The following MED17 variants were observed in gnomAD, a reference collection of about 807,000 sequenced individuals.
MED17 encodes the protein mediator of RNA polymerase II transcription subunit 17.
A neutral mutation model predicts 80.8 loss-of-function variants in MED17; 49 were observed. That is an observed-to-expected ratio of 0.61 (90% CI 0.48 to 0.77). MED17 has a LOEUF of 0.77. Among genes scored for constraint, MED17 ranks in the 30% least tolerant of loss-of-function variants. The probability of loss-of-function intolerance (pLI) is 0.00; values close to 1 mark genes in which losing one functional copy is unlikely to be tolerated. For synonymous variants in MED17, 281 were observed against 280.4 expected (o/e 1.00, Z -0.02); for missense variants, 718 against 787.0 (o/e 0.91, Z 1.05).
chr11:93,784,619 A>C lies in MED17; in HGVS notation c.106A>C (p.Met36Leu), dbSNP rs562459610. The change falls in exon 1 of 12, where the codon ATG (methionine) becomes CTG (leucine). Residue 36 changes from methionine to leucine, a missense_variant. Met to Leu is a conservative substitution (Grantham distance 15). Coordinates refer to ENST00000251871, the MANE Select transcript of MED17 (RefSeq NM_004268.5). ...CGAGACGTACCTGCCCCCGCTGTCC[A>C]TGTCGCAGAATCTGGCGCGTCTGGC... is the stretch of plus-strand genomic sequence containing the variant. ...GTETYLPPLS[M>L]SQNLARLAQR... The C allele has an allele frequency of 5.6e-6, 9 of 1,595,226 alleles. No homozygotes were observed. Among genetic ancestry groups the C allele is most frequent in the African/African-American group, 2.7e-5 (2 of 74,776 alleles).
At chr11:93,805,939 G>T (rs1361531359) in intron 9 of MED17, among the ~76,000 whole-genome samples, 1 of 147,110 alleles carries the variant, frequency 6.8e-6, no homozygotes, top group Non-Finnish European at 1.5e-5. Flanking sequence ...TAAAACCACT[G>T]CTTTCCAGCC....
rs1405458539 is a variant in MED17, at chr11:93,784,585, G to A, written c.72G>A (p.Leu24=). 3 of 1,610,364 alleles carry A rather than the reference G, an allele frequency of 1.9e-6. No homozygotes were observed. The highest frequency in any genetic ancestry group is 4.5e-5 in the East Asian group (2 of 44,760). The change falls in exon 1 of 12, where the codon CTG becomes CTA. Residue 24 remains leucine (L), a synonymous_variant. Transcript: ENST00000251871. ...ACEKQVHEVG[L]DGTETYLPPL... ...AGAAGCAGGTCCATGAGGTGGGCCT[G>A]GATGGCACCGAGACGTACCTGCCCC...
chr11:93,803,268 T>C (rs559559861), intron 9 of MED17, among the ~76,000 whole-genome samples: 212 of 152,368 alleles, frequency 1.4e-3, no homozygotes, highest in Non-Finnish European at 2.5e-3. Context: ...TTCTTTCTTT[T>C]TGATTTTTCC....
chr11:93,793,555 C>T, intron 3 of MED17, 173 bp from the exon 4 acceptor site: 11 of 545,824 alleles, frequency 2.0e-5, no homozygotes, highest in East Asian at 3.1e-5. Flanking sequence ...CCACCTTTAT[C>T]TTTCTTTCCT....
intron 3 of MED17, chr11:93,793,209 C>T (rs555535978): frequency 1.1e-4 from 16 of 152,138 alleles, no homozygotes; most frequent in African/African-American, 3.4e-4. Context: ...ACCTCCATCT[C>T]CCGGGTTCAA....
In MED17 at chr11:93,794,939, G is replaced by A. The variant is rs777239716; in HGVS notation, c.891G>A (p.Ala297=). Residue 297 remains alanine (A), a synonymous_variant, in exon 6 of 12, where the codon GCG becomes GCA. Transcript: ENST00000251871. ...CACATTGGCAGACAAAATTAGAAGCGGCACAGAATGTTCTCTTATGTAAAG... is the reference window on the plus strand; with the variant it reads ...CACATTGGCAGACAAAATTAGAAGCAGCACAGAATGTTCTCTTATGTAAAG... The part of the protein sequence containing the change: ...GSPHWQTKLE[A]AQNVLLCKEI... 6.8e-6 allele frequency: 11 copies of A among 1,614,074 alleles called. No individual in the cohort carries two copies. Among genetic ancestry groups the A allele is most frequent in the South Asian group, 2.2e-5 (2 of 91,082 alleles).
rs773915650 is a variant in MED17 at position 93,796,477 on chromosome 11, G to C, written c.1080G>C (p.Glu360Asp). 6.2e-7 allele frequency: 1 copy of C among 1,613,914 alleles called. No homozygotes were observed. Among genetic ancestry groups the C allele is most frequent in the Non-Finnish European group, 8.5e-7 (1 of 1,179,836 alleles). The change falls in exon 7 of 12, where the codon GAG becomes GAC. Residue 360 changes from glutamate to aspartate, a missense_variant. Physicochemically the swap from Glu to Asp is conservative, Grantham distance 45. Coordinates refer to ENST00000251871, the MANE Select transcript of MED17 (RefSeq NM_004268.5). ...NDKKSQKFAT[E>D]KQCPEDHLYV... ...AGAAATCCCAAAAATTTGCTACTGA[G>C]AAGCAATGTCCGGAGGACCACCTTT...
chr11:93,795,213 A>G lies in MED17; in HGVS notation c.1012+153A>G, dbSNP rs189071200. On this transcript the variant is annotated intron_variant, in intron 6 of 11. Transcript: ENST00000251871. ...GACAGCCAGTAAAGCATGTAACACA[A>G]ACTATACTGTGGAATCTGTTCTGTC... is the stretch of plus-strand genomic sequence containing the variant. 1.6e-3 allele frequency: 1,388 copies of G among 862,016 alleles called. 4 individuals carry two copies. Among genetic ancestry groups the G allele is most frequent in the Non-Finnish European group, 2.3e-3 (1,196 of 516,188 alleles). 53.4% of individuals were successfully genotyped at this position (862,016 alleles called of 1,614,324 possible).
At chr11:93,805,884 A>G (rs11020522) in intron 9 of MED17, among the ~76,000 whole-genome samples, 79,452 of 151,744 alleles carry the variant, frequency 0.52, 23,662 homozygotes, top group East Asian at 0.75. Context: ...GGATCACTCA[A>G]CGTCAGGATT....
chr11:93,789,009 C>G (rs899491706), intron 2 of MED17: 1 of 151,848 alleles, frequency 6.6e-6, no homozygotes, highest in African/African-American at 2.4e-5. Flanking sequence ...ACAGTGTATT[C>G]AATTTTTGAA....
rs951282107 is a variant in MED17, at chr11:93,814,544, A to G, written c.*2480A>G. On this transcript the variant is annotated 3_prime_UTR_variant, in exon 12 of 12. Coordinates refer to ENST00000251871, the MANE Select transcript of MED17 (RefSeq NM_004268.5). ...ATTCTCTGTGAACTTGTTTCCTTATATATAAATGAAGATAGAGGTGCCTCC... is the reference window on the plus strand; with the variant it reads ...ATTCTCTGTGAACTTGTTTCCTTATGTATAAATGAAGATAGAGGTGCCTCC... 6.6e-6 allele frequency: 1 copy of G among 152,188 alleles called. No individual in the cohort carries two copies. Among genetic ancestry groups the G allele is most frequent in the East Asian group, 1.9e-4 (1 of 5,188 alleles). The allele number at this position is 152,188 out of a possible 1,614,324, so 9.4% of individuals were successfully genotyped here.
rs781350908 is a variant in MED17, at chr11:93,796,466, T to G, written c.1069T>G (p.Phe357Val). The change falls in exon 7 of 12, where the codon TTT becomes GTT. Residue 357 changes from phenylalanine to valine, a missense_variant. Physicochemically the swap from Phe to Val is conservative, Grantham distance 50. Transcript: ENST00000251871. ...CTCAAATGATAAGAAATCCCAAAAATTTGCTACTGAGAAGCAATGTCCGGA... is the reference window on the plus strand; with the variant it reads ...CTCAAATGATAAGAAATCCCAAAAAGTTGCTACTGAGAAGCAATGTCCGGA... The part of the protein sequence containing the change: ...HSSNDKKSQK[F>V]ATEKQCPEDH... 1 of 1,613,596 alleles carries G rather than the reference T, an allele frequency of 6.2e-7. No homozygotes were observed. The highest frequency in any genetic ancestry group is 8.5e-7 in the Non-Finnish European group (1 of 1,179,628).
In MED17 at chr11:93,801,862, A is replaced by G. The variant is rs541381299; in HGVS notation, c.1356A>G (p.Ala452=). 1 of 1,613,840 alleles carries G rather than the reference A, an allele frequency of 6.2e-7. No homozygotes were observed. ...CTGCTGCAACCATTGACAGCTTAGC[A>G]AGCCGAATTGAGGATCCTCAGATAC... ...SRAAATIDSL[A]SRIEDPQIQA... The change falls in exon 9 of 12, where the codon GCA becomes GCG. Residue 452 remains alanine (A), a synonymous_variant. Transcript: ENST00000251871.
In MED17 at chr11:93,813,618, G is replaced by A. The variant is rs1295518502; in HGVS notation, c.*1554G>A. On this transcript the variant is annotated 3_prime_UTR_variant, in exon 12 of 12. Coordinates refer to ENST00000251871, the MANE Select transcript of MED17 (RefSeq NM_004268.5). ...ATATAAACTTCTCCCATTGCAGATTGATACTTTGGTAAACTAATAAAAATG... is the reference window on the plus strand; with the variant it reads ...ATATAAACTTCTCCCATTGCAGATTAATACTTTGGTAAACTAATAAAAATG... 1 of 152,164 alleles carries A rather than the reference G, an allele frequency of 6.6e-6. No homozygotes were observed. 9.4% of individuals were successfully genotyped at this position (152,164 alleles called of 1,614,324 possible).
intron 9 of MED17, among the ~76,000 whole-genome samples, chr11:93,802,554 C>T (rs566856461): frequency 2.6e-5 from 4 of 152,232 alleles, no homozygotes; most frequent in South Asian, 2.1e-4. Flanking sequence ...CAATGAACCC[C>T]GGCACTGAGC....
Position 93,799,456 on chromosome 11 carries a change from G to A in MED17, c.1328+1737G>A, listed in dbSNP as rs535057954. 3.8e-4 allele frequency among the ~76,000 whole-genome samples: 58 copies of A among 152,224 alleles called. 1 individual carries two copies. Among genetic ancestry groups the A allele is most frequent in the Middle Eastern group, 3.4e-3 (1 of 294 alleles). On this transcript the variant is annotated intron_variant, in intron 8 of 11. Coordinates refer to ENST00000251871, the MANE Select transcript of MED17 (RefSeq NM_004268.5). ...CTCCCAAAGTGCTGGGATTACAGGC[G>A]TGGGCCACCGTGCCTGGCCAGGAAG... is the stretch of plus-strand genomic sequence containing the variant.
At chr11:93,805,694 C>T (rs998701039) in intron 9 of MED17, among the ~76,000 whole-genome samples, 4 of 152,218 alleles carry the variant, frequency 2.6e-5, no homozygotes, top group Admixed American at 2.6e-4. Flanking sequence ...CCTGTTCCTT[C>T]ACACCTTGTT....
In MED17 at chr11:93,796,599, G is replaced by A. The variant is rs1291014070; in HGVS notation, c.1143+59G>A. On this transcript the variant is annotated intron_variant, in intron 7 of 11. Coordinates refer to ENST00000251871, the MANE Select transcript of MED17 (RefSeq NM_004268.5). ...TGAGTATGTCCAGGGCAGTGAGTAT[G>A]CACAAAGCTCCTCTCGTCTGCTGAG... 13 of 1,587,228 alleles carry A rather than the reference G, an allele frequency of 8.2e-6. No individual in the cohort carries two copies. The Middle Eastern group carries it at 1.2e-3, about 142-fold the overall frequency.
intron 10 of MED17, chr11:93,808,908 T>C (rs1278180714): frequency 6.5e-6 from 1 of 152,922 alleles, no homozygotes; most frequent in African/African-American, 2.4e-5. Context: ...CCAGCACTAC[T>C]GCCTTCAGCA....
Sources: allele counts gnomAD v4.1 joint callset (sites outside exome capture counted in the v4.1 genomes callset), GRCh38; gene constraint gnomAD v4.1.1; transcripts MANE v1.5; gene names NCBI Gene and HGNC (gene_info 2026-07-23, HGNC 2026-07-21).